The following SHOC2 variants were observed in gnomAD, a reference collection of about 807,000 sequenced individuals.
The protein encoded by SHOC2 is SHOC2 leucine rich repeat scaffold protein, also known as leucine-rich repeat protein SHOC-2.
In SHOC2, 4 loss-of-function variants were observed where a neutral mutation model predicts 50.2. The ratio of observed to expected loss-of-function variants is 0.08; its 90% CI spans 0.04 to 0.18. SHOC2 has a LOEUF of 0.18. Among genes scored for constraint, SHOC2 ranks in the 10% least tolerant of loss-of-function variants. The pLI is 1.00. For synonymous variants in SHOC2, 218 were observed against 244.5 expected (o/e 0.89, Z 1.01); for missense variants, 388 against 669.6 (o/e 0.58, Z 4.64).
chr10:110,990,929 T>G (rs530562606), intron 3 of SHOC2, among the ~76,000 whole-genome samples: 1 of 152,336 alleles, frequency 6.6e-6, no homozygotes, highest in African/African-American at 2.4e-5. Context: ...CTAGACATTT[T>G]ATTGTTTCTT....
intron 1 of SHOC2, among the ~76,000 whole-genome samples, chr10:110,948,969 T>C (rs987709706): frequency 1.2e-4 from 18 of 152,010 alleles, no homozygotes; most frequent in African/African-American, 3.4e-4. Flanking sequence ...TCAGCTGGCG[T>C]TAGTGTTAGT....
At chr10:110,939,154 T>C (rs1847088286) in intron 1 of SHOC2, among the ~76,000 whole-genome samples, 1 of 152,194 alleles carries the variant, frequency 6.6e-6, no homozygotes, top group African/African-American at 2.4e-5. Context: ...CTAGGTCACA[T>C]TGGAACCAAA....
intron 6 of SHOC2, among the ~76,000 whole-genome samples, 180 bp from the exon 7 acceptor site, chr10:111,009,068 A>T (rs1848520768): frequency 6.6e-6 from 1 of 152,114 alleles, no homozygotes; most frequent in Admixed American, 6.5e-5. Flanking sequence ...CTCTTTTCTA[A>T]TAACTATGGT....
At chr10:111,002,556 T>A (rs73345956) in intron 4 of SHOC2, among the ~76,000 whole-genome samples, 15,205 of 152,210 alleles carry the variant, frequency 0.1, 1,176 homozygotes, top group East Asian at 0.24. Flanking sequence ...ACATGTATTG[T>A]CTCATTTAAT....
At chr10:110,960,286 A>T (rs899059710) in intron 1 of SHOC2, among the ~76,000 whole-genome samples, 3 of 152,248 alleles carry the variant, frequency 2.0e-5, no homozygotes, top group African/African-American at 7.2e-5. Flanking sequence ...GCAGAAAGCA[A>T]TCTGTCTTGC....
At chr10:110,972,400 G>A (rs2134131254) in intron 2 of SHOC2, among the ~76,000 whole-genome samples, 1 of 152,220 alleles carries the variant, frequency 6.6e-6, no homozygotes, top group Non-Finnish European at 1.5e-5. Flanking sequence ...ACTTTAGCAG[G>A]AATGATAAAT....
At chr10:110,925,040 C>CA (rs1447223662) in intron 1 of SHOC2, among the ~76,000 whole-genome samples, 4 of 129,320 alleles carry the variant, frequency 3.1e-5, no homozygotes, top group Non-Finnish European at 6.2e-5. Context: ...TACTGCACTC[C>CA]AGCCTAGGCG....
At chr10:111,005,600 G>A (rs1848452222) in intron 5 of SHOC2, among the ~76,000 whole-genome samples, 1 of 152,034 alleles carries the variant, frequency 6.6e-6, no homozygotes, top group African/African-American at 2.4e-5. Flanking sequence ...CGTATAGCTG[G>A]TTTTTGCCAA....
At chr10:110,981,198 T>C (rs539349729) in intron 2 of SHOC2, among the ~76,000 whole-genome samples, 155 of 152,232 alleles carry the variant, frequency 1.0e-3, no homozygotes, top group Non-Finnish European at 2.0e-3. Flanking sequence ...GCAGAGACTC[T>C]CTAGCCTCCC....
intron 2 of SHOC2, among the ~76,000 whole-genome samples, chr10:110,983,035 C>A (rs1848012460): frequency 6.6e-6 from 1 of 152,058 alleles, no homozygotes; most frequent in African/African-American, 2.4e-5. Flanking sequence ...TTTTCTGTTT[C>A]ATCTTGATTG....
At chr10:110,979,856 C>T (rs1023371191) in intron 2 of SHOC2, among the ~76,000 whole-genome samples, 1 of 146,716 alleles carries the variant, frequency 6.8e-6, no homozygotes, top group African/African-American at 2.5e-5. Context: ...TCTATCAACC[C>T]AAGCTCAGTA....
rs753153585 is a variant in SHOC2 at position 111,007,692 on chromosome 10, C to T, written c.1284+39C>T. ...AGCAATTAGAGAACTTCAGAACCTT[C>T]CATACGTATCTCATTTAAAAATTTC... On this transcript the variant is annotated intron_variant, in intron 6 of 8. Transcript: ENST00000369452. The T allele has an allele frequency of 1.4e-5, 22 of 1,602,474 alleles. No homozygotes were observed. The East Asian group carries it at 2.2e-4, about 16-fold the overall frequency.
At chr10:110,955,562 A>G (rs1392885645) in intron 1 of SHOC2, among the ~76,000 whole-genome samples, 2 of 152,168 alleles carry the variant, frequency 1.3e-5, no homozygotes, top group Non-Finnish European at 2.9e-5. Context: ...AGTTTTGTGT[A>G]GACTCATTAA....
chr10:110,940,773 C>G (rs1041620735), intron 1 of SHOC2, among the ~76,000 whole-genome samples: 8 of 152,100 alleles, frequency 5.3e-5, no homozygotes, highest in Admixed American at 5.2e-4. Context: ...TCCACTCAAC[C>G]TGGCCACTTG....
At chr10:110,966,528 G>T (rs182501119) in intron 2 of SHOC2, among the ~76,000 whole-genome samples, 21 of 152,172 alleles carry the variant, frequency 1.4e-4, no homozygotes, top group Admixed American at 1.4e-3. Context: ...TTTTGTGTAT[G>T]TGTTACACTC....
intron 2 of SHOC2, among the ~76,000 whole-genome samples, chr10:110,966,272 A>G (rs995798353): frequency 1.3e-5 from 2 of 152,116 alleles, no homozygotes; most frequent in Non-Finnish European, 2.9e-5. Flanking sequence ...CAAGTAATAT[A>G]CTGTAGAGTA....
rs57860535 is a variant in SHOC2 at position 110,997,427 on chromosome 10, A to G, written c.842-2988A>G. Among the ~76,000 whole-genome samples the G allele has an allele frequency of 2.5e-3, 384 of 152,352 alleles. 4 individuals carry two copies. Among genetic ancestry groups the G allele is most frequent in the African/African-American group, 8.8e-3 (365 of 41,582 alleles). ...TTAATTGTTCTTCCATAATTCTGCC[A>G]TGCAGAGATAACAATTAGTTTTGAT... On this transcript the variant is annotated intron_variant, in intron 3 of 8. Coordinates refer to ENST00000369452, the MANE Select transcript of SHOC2 (RefSeq NM_007373.4).
chr10:110,960,350 G>T lies in SHOC2; in HGVS notation c.-234-3775G>T, dbSNP rs112412439. Among the ~76,000 whole-genome samples the T allele has an allele frequency of 3.8e-3, 577 of 152,288 alleles. 3 individuals carry two copies. Among genetic ancestry groups the T allele is most frequent in the African/African-American group, 0.013 (550 of 41,548 alleles). On this transcript the variant is annotated intron_variant, in intron 1 of 8. Coordinates refer to ENST00000369452, the MANE Select transcript of SHOC2 (RefSeq NM_007373.4). ...TTACAGAAAAAGTTTGCTCACCCTT[G>T]ACTTAGAAGCCATTAGAAGCCTAAA...
chr10:110,930,603 C>CT (rs565536519), intron 1 of SHOC2, among the ~76,000 whole-genome samples: 36 of 151,386 alleles, frequency 2.4e-4, no homozygotes, highest in East Asian at 7.8e-4. Context: ...ATTAAATAGC[C>CT]TTTTTTTTAA....
Sources: gnomAD v4.1 joint callset for allele counts (sites outside exome capture counted in the v4.1 genomes callset) on GRCh38, gnomAD v4.1.1 for gene constraint, MANE v1.5 for transcripts, NCBI Gene and HGNC (gene_info 2026-07-23, HGNC 2026-07-21) for gene names.